The following ZNF385D variants were observed in gnomAD, a reference collection of about 807,000 sequenced individuals.
The protein encoded by ZNF385D is zinc finger protein 659.
ZNF385D carries 15 observed loss-of-function variants against 35.8 expected under a neutral mutation model. The observed-to-expected ratio is 0.42, with a 90% CI of 0.28 to 0.64. ZNF385D has a LOEUF of 0.64. Among genes scored for constraint, ZNF385D ranks in the 30% least tolerant of loss-of-function variants. The probability of loss-of-function intolerance (pLI) is 0.23; values close to 1 mark genes in which losing one functional copy is unlikely to be tolerated. For synonymous variants in ZNF385D, 212 were observed against 186.8 expected, an observed-to-expected ratio of 1.13 and a Z score of -1.10; for missense variants, 474 against 494.6, an observed-to-expected ratio of 0.96 and a Z score of 0.39.
intron 3 of ZNF385D, among the ~76,000 whole-genome samples, chr3:21,763,955 T>C (rs531107229): frequency 1.3e-5 from 2 of 152,138 alleles, no homozygotes; most frequent in Admixed American, 6.6e-5. Flanking sequence ...CTAAGACAGA[T>C]TTTTGGCCTC....
intron 2 of ZNF385D, among the ~76,000 whole-genome samples, chr3:22,287,792 G>A (rs556276790): frequency 6.6e-6 from 1 of 152,034 alleles, no homozygotes; most frequent in Admixed American, 6.6e-5. Context: ...CTTACACATT[G>A]CCATTATAGT....
intron 3 of ZNF385D, among the ~76,000 whole-genome samples, chr3:22,004,585 C>G (rs1160700345): frequency 6.6e-6 from 1 of 152,152 alleles, no homozygotes; most frequent in African/African-American, 2.4e-5. Flanking sequence ...TAGGGCAAAC[C>G]TGCCTCCCAT....
intron 5 of ZNF385D, 184 bp downstream of exon 5, chr3:21,436,786 C>T (rs1412932226): frequency 1.6e-6 from 1 of 608,724 alleles, no homozygotes; most frequent in Non-Finnish European, 2.8e-6. Flanking sequence ...CCCTGGAAAC[C>T]ACCCCTTGCC....
chr3:22,064,308 G>C (rs1175521996), intron 3 of ZNF385D, among the ~76,000 whole-genome samples: 2 of 152,186 alleles, frequency 1.3e-5, no homozygotes, highest in African/African-American at 4.8e-5. Context: ...TTAATTAGAA[G>C]AGCACAGAGG....
chr3:21,657,991 G>A (rs2066122711), intron 2 of ZNF385D, among the ~76,000 whole-genome samples: 1 of 151,868 alleles, frequency 6.6e-6, no homozygotes, highest in African/African-American at 2.4e-5. Flanking sequence ...AAAGATGAAG[G>A]AGACAAAGAT....
Position 21,417,984 on chromosome 3 carries a change from AG to A in ZNF385D, c.*3229del, listed in dbSNP as rs1700587788. ...TGTGAATAAAAAAAGTACTCTTCAAAGTTGAGGTCCAGTGAGAGGAGCAATT... is the reference window on the plus strand; with the variant it reads ...TGTGAATAAAAAAAGTACTCTTCAAATTGAGGTCCAGTGAGAGGAGCAATT... On this transcript the variant is annotated 3_prime_UTR_variant, in exon 8 of 8. Transcript: ENST00000281523. 6.6e-6 allele frequency: 1 copy of A among 152,162 alleles called. No individual in the cohort carries two copies. Among genetic ancestry groups the A allele is most frequent in the Non-Finnish European group, 1.5e-5 (1 of 68,004 alleles). 9.4% of individuals were successfully genotyped at this position (152,162 alleles called of 1,614,324 possible).
intron 2 of ZNF385D, among the ~76,000 whole-genome samples, chr3:22,328,905 C>T (rs1218852185): frequency 1.3e-5 from 2 of 151,590 alleles, no homozygotes; most frequent in Non-Finnish European, 2.9e-5. Flanking sequence ...GAAACCCCGT[C>T]TCTACTAAAA....
intron 3 of ZNF385D, among the ~76,000 whole-genome samples, chr3:22,148,723 C>A (rs758005932): frequency 3.9e-5 from 6 of 152,084 alleles, no homozygotes; most frequent in Non-Finnish European, 7.4e-5. Flanking sequence ...TCTGTCCTAC[C>A]TTTTATAGGG....
At chr3:22,320,787 A>T (rs1437781586) in intron 2 of ZNF385D, among the ~76,000 whole-genome samples, 2 of 151,856 alleles carry the variant, frequency 1.3e-5, no homozygotes, top group African/African-American at 4.8e-5. Context: ...TTAAAGTATA[A>T]TTTAGACAGT....
At chr3:22,352,816 T>G (rs748586661) in intron 2 of ZNF385D, among the ~76,000 whole-genome samples, 1 of 152,174 alleles carries the variant, frequency 6.6e-6, no homozygotes, top group Non-Finnish European at 1.5e-5. Flanking sequence ...TTCCATTAGA[T>G]AGCAGGTTCC....
intron 2 of ZNF385D, among the ~76,000 whole-genome samples, chr3:22,298,306 C>G (rs1702701216): frequency 6.6e-6 from 1 of 150,404 alleles, no homozygotes; most frequent in African/African-American, 2.4e-5. Flanking sequence ...CCATTTAAAA[C>G]AAAGTGAGGA....
intron 3 of ZNF385D, among the ~76,000 whole-genome samples, chr3:21,830,755 C>T (rs1403602326): frequency 3.3e-5 from 5 of 152,120 alleles, no homozygotes. Context: ...GGAAATTTTG[C>T]TTGCAGTGTA....
rs187297835 is a variant in ZNF385D at position 21,554,329 on chromosome 3, A to T, written c.276+10245T>A. 4.6e-5 allele frequency among the ~76,000 whole-genome samples: 7 copies of T among 152,312 alleles called. 1 individual carries two copies. The highest frequency in any genetic ancestry group is 1.7e-4 in the African/African-American group (7 of 41,572). On this transcript the variant is annotated intron_variant, in intron 3 of 7. Transcript: ENST00000281523. The stretch of plus-strand genomic sequence containing the variant: ...ATGAGGTACATTGTCAATGAACAGT[A>T]ATATTTTGAAAGAAATCTTTTTTTC...
chr3:21,714,292 C>A (rs935036983), intron 1 of ZNF385D, among the ~76,000 whole-genome samples: 2 of 152,180 alleles, frequency 1.3e-5, no homozygotes, highest in Admixed American at 6.5e-5. Flanking sequence ...TTCCTGCTTC[C>A]CTAGACTAAG....
chr3:22,220,858 G>C (rs1263774373), intron 2 of ZNF385D, among the ~76,000 whole-genome samples: 1 of 152,066 alleles, frequency 6.6e-6, no homozygotes, highest in African/African-American at 2.4e-5. Flanking sequence ...ATCTTTAATA[G>C]TTTTTGTTCT....
At chr3:22,157,978 A>T (rs1281960877) in intron 3 of ZNF385D, among the ~76,000 whole-genome samples, 1 of 152,124 alleles carries the variant, frequency 6.6e-6, no homozygotes, top group Non-Finnish European at 1.5e-5. Flanking sequence ...AATCTCACGT[A>T]TTTTTAAATT....
intron 2 of ZNF385D, among the ~76,000 whole-genome samples, chr3:22,295,077 G>A (rs1176737694): frequency 6.6e-6 from 1 of 152,018 alleles, no homozygotes; most frequent in Non-Finnish European, 1.5e-5. Context: ...TTATTGGTGG[G>A]AAAATTCCAG....
At chr3:21,841,403 G>A (rs3849554) in intron 3 of ZNF385D, among the ~76,000 whole-genome samples, 60,126 of 151,678 alleles carry the variant, frequency 0.4, 12,933 homozygotes, top group African/African-American at 0.55. Flanking sequence ...TCAATTCCCA[G>A]AATTGACATT....
intron 3 of ZNF385D, among the ~76,000 whole-genome samples, chr3:21,817,631 T>A (rs1460623576): frequency 6.6e-6 from 1 of 152,136 alleles, no homozygotes; most frequent in Non-Finnish European, 1.5e-5. Flanking sequence ...TGAGATACCA[T>A]CTCACACCAG....
Sources: allele counts gnomAD v4.1 joint callset (sites outside exome capture counted in the v4.1 genomes callset), GRCh38; gene constraint gnomAD v4.1.1; transcripts MANE v1.5; gene names NCBI Gene and HGNC (gene_info 2026-07-23, HGNC 2026-07-21).